Variants in USP24 observed in about 807,000 individuals in gnomAD.
USP24 encodes ubiquitin specific peptidase 24, also known as ubiquitin carboxyl-terminal hydrolase 24.
In USP24, 97 loss-of-function variants were observed where a neutral mutation model predicts 361.6. The ratio of observed to expected loss-of-function variants is 0.27; its 90% CI spans 0.23 to 0.32. USP24 has a LOEUF of 0.32. Ranked by LOEUF, USP24 falls within the 10% of genes least tolerant of loss-of-function variation. The pLI is 1.00. For missense variants in USP24, 2,353 were observed against 3,165.6 expected (o/e 0.74, Z 6.16); for synonymous variants, 1,098 against 1,124.6 (o/e 0.98, Z 0.47).
At chr1:55,117,271 A>G (rs1646140355) in intron 38 of USP24, among the ~76,000 whole-genome samples, 1 of 152,238 alleles carries the variant, frequency 6.6e-6, no homozygotes, top group Admixed American at 6.5e-5. Flanking sequence ...GAGCAGAAAC[A>G]AGGATGCCCA....
chr1:55,083,857 A>T lies in USP24; in HGVS notation c.6797T>A (p.Leu2266Gln). The T allele has an allele frequency of 6.2e-7, 1 of 1,602,492 alleles. No homozygotes were observed. The highest frequency in any genetic ancestry group is 2.2e-5 in the East Asian group (1 of 44,638). Residue 2266 changes from leucine to glutamine, a missense_variant, in exon 57 of 68, where the codon CTA (leucine) becomes CAA (glutamine). By Grantham distance (113) the Leu-to-Gln change is moderately radical (BLOSUM62 -2). Around this residue, in one of 8 missense-constraint regions of USP24, gnomAD observed 598 missense variants for 761.9 expected, o/e 0.78. Transcript: ENST00000294383. Reference sequence around the variant, plus strand: ...GACGTCTTTGTCCAACAGAGCAAGTAGTACCTCCAGTAACTGATGAAGGCT... The same window carrying T: ...GACGTCTTTGTCCAACAGAGCAAGTTGTACCTCCAGTAACTGATGAAGGCT... ...LKSLHQLLEV[L>Q]LALLDKDVPE...
chr1:55,173,343 T>G (rs1427474016), intron 3 of USP24, among the ~76,000 whole-genome samples: 1 of 152,304 alleles, frequency 6.6e-6, no homozygotes, highest in East Asian at 1.9e-4. Flanking sequence ...TTCTTAAACA[T>G]AAAACATCAA....
intron 65 of USP24, 83 bp from the exon 66 acceptor site, chr1:55,072,486 C>A: frequency 1.7e-6 from 2 of 1,152,102 alleles, no homozygotes; most frequent in Non-Finnish European, 2.5e-6. Context: ...GATATTGAGT[C>A]TTAAAAGCAT....
intron 55 of USP24, 89 bp downstream of exon 55, chr1:55,089,538 G>T: frequency 2.4e-6 from 2 of 842,840 alleles, no homozygotes; most frequent in Non-Finnish European, 3.7e-6. Flanking sequence ...ATAATTTCAA[G>T]TTGAAATAAA....
rs2100362393 is a variant in USP24, at chr1:55,066,579, C to A, written c.*2466G>T. On this transcript the variant is annotated 3_prime_UTR_variant, in exon 68 of 68. Coordinates refer to ENST00000294383, the MANE Select transcript of USP24 (RefSeq NM_015306.3). ...CTCGATGTTAGCAGGGAAGGTGGGG[C>A]AGGACAGGGTAAGTCTGATGATACG... is the stretch of plus-strand genomic sequence containing the variant. The A allele has an allele frequency of 6.6e-6, 1 of 152,186 alleles. No homozygotes were observed. Among genetic ancestry groups the A allele is most frequent in the Admixed American group, 6.5e-5 (1 of 15,280 alleles). 9.4% of individuals were successfully genotyped at this position (152,186 alleles called of 1,614,324 possible).
At chr1:55,185,383 A>C (rs1644099763) in intron 1 of USP24, among the ~76,000 whole-genome samples, 1 of 144,598 alleles carries the variant, frequency 6.9e-6, no homozygotes, top group Non-Finnish European at 1.6e-5. Flanking sequence ...AGCAGAAGGA[A>C]ACAGAAAAGA....
chr1:55,168,237 T>C (rs181325563), intron 5 of USP24, among the ~76,000 whole-genome samples: 1 of 152,210 alleles, frequency 6.6e-6, no homozygotes, highest in East Asian at 1.9e-4. Context: ...TCTGGAAACA[T>C]GCAGGGGTGT....
intron 25 of USP24, 63 bp downstream of exon 25, chr1:55,138,881 G>T: frequency 1.3e-6 from 2 of 1,534,650 alleles, no homozygotes; most frequent in Non-Finnish European, 1.8e-6. Context: ...GAAAGGCTGA[G>T]GTGGGAAGAT....
intron 5 of USP24, among the ~76,000 whole-genome samples, chr1:55,168,152 A>G (rs1649073136): frequency 6.6e-6 from 1 of 152,196 alleles, no homozygotes; most frequent in Admixed American, 6.5e-5. Context: ...CTGAAAGCCA[A>G]GCAAGAAATA....
At chr1:55,174,206 A>G (rs1649727899) in intron 3 of USP24, among the ~76,000 whole-genome samples, 1 of 152,198 alleles carries the variant, frequency 6.6e-6, no homozygotes, top group African/African-American at 2.4e-5. Context: ...CCTTACTTCT[A>G]AAAGAAAATG....
chr1:55,202,831 A>G (rs1644612381), intron 1 of USP24, among the ~76,000 whole-genome samples: 1 of 152,232 alleles, frequency 6.6e-6, no homozygotes, highest in Admixed American at 6.5e-5. Flanking sequence ...CACAAGTGAT[A>G]GCAATTGCTC....
At chr1:55,199,125 T>C (rs1340713359) in intron 1 of USP24, among the ~76,000 whole-genome samples, 1 of 151,792 alleles carries the variant, frequency 6.6e-6, no homozygotes, top group Non-Finnish European at 1.5e-5. Flanking sequence ...CCTGTCTCTA[T>C]TAAAAATACA....
rs1644959011 is a variant in USP24, at chr1:55,215,177, G to A, written c.-64C>T. Reference sequence around the variant, plus strand: ...AAGCTACGGGTCCCGGGCCTGGCGGGCCGCGCGGCGCACCCTCCGCGCCGC... The same window carrying A: ...AAGCTACGGGTCCCGGGCCTGGCGGACCGCGCGGCGCACCCTCCGCGCCGC... On this transcript the variant is annotated 5_prime_UTR_variant, in exon 1 of 68. Coordinates refer to ENST00000294383, the MANE Select transcript of USP24 (RefSeq NM_015306.3). The A allele has an allele frequency of 3.4e-6, 4 of 1,185,688 alleles. No homozygotes were observed. The highest frequency in any genetic ancestry group is 4.2e-6 in the Non-Finnish European group (4 of 953,914). 73.4% of individuals were successfully genotyped at this position (1,185,688 alleles called of 1,614,324 possible).
intron 42 of USP24, among the ~76,000 whole-genome samples, chr1:55,102,948 CT>C (rs1355608790): frequency 1.3e-5 from 2 of 152,170 alleles, no homozygotes; most frequent in Non-Finnish European, 2.9e-5. Flanking sequence ...GCTACTCCCT[CT>C]ATTTAGGACA....
rs763051533 is a variant in USP24, at chr1:55,148,577, T to G, written c.1861-7A>C. 3 of 1,543,328 alleles carry G rather than the reference T, an allele frequency of 1.9e-6. No homozygotes were observed. Among genetic ancestry groups the G allele is most frequent in the Non-Finnish European group, 2.6e-6 (3 of 1,141,690 alleles). On this transcript the variant is annotated splice_polypyrimidine_tract_variant and splice_region_variant and intron_variant, in intron 16 of 67. Coordinates refer to ENST00000294383, the MANE Select transcript of USP24 (RefSeq NM_015306.3). Reference sequence around the variant, plus strand: ...GATTATTAAGCTGAGATGACTAGAGTTAAAAAGAAGTTACATTAATTAAAT... The same window carrying G: ...GATTATTAAGCTGAGATGACTAGAGGTAAAAAGAAGTTACATTAATTAAAT...
chr1:55,132,903 A>G (rs755740739), intron 30 of USP24, among the ~76,000 whole-genome samples: 3 of 152,198 alleles, frequency 2.0e-5, no homozygotes, highest in Non-Finnish European at 4.4e-5. Flanking sequence ...TAAATGTTCA[A>G]TAAGATTCAA....
At chr1:55,122,327 G>A (rs1007332226) in intron 36 of USP24, among the ~76,000 whole-genome samples, 1 of 152,164 alleles carries the variant, frequency 6.6e-6, no homozygotes, top group South Asian at 2.1e-4. Flanking sequence ...TGGCTGCTGG[G>A]GGAACAGCAA....
intron 67 of USP24, 105 bp downstream of exon 67, chr1:55,071,709 C>T: frequency 8.1e-7 from 1 of 1,233,688 alleles, no homozygotes; most frequent in Non-Finnish European, 1.1e-6. Context: ...TTTGGACTCA[C>T]ATTCCAGAGG....
intron 56 of USP24, 36 bp downstream of exon 56, chr1:55,085,906 A>G (rs1356707504): frequency 6.3e-7 from 1 of 1,580,980 alleles, no homozygotes; most frequent in East Asian, 2.2e-5. Flanking sequence ...TGGTAAAAAC[A>G]CAGTGTATAA....
Sources: allele counts gnomAD v4.1 joint callset (sites outside exome capture counted in the v4.1 genomes callset), GRCh38; gene constraint gnomAD v4.1.1; regional missense constraint gnomAD v4.1.1; transcripts MANE v1.5; gene names NCBI Gene and HGNC (gene_info 2026-07-23, HGNC 2026-07-21).